Variants in CEP85L observed in about 807,000 individuals in gnomAD.
The protein encoded by CEP85L is centrosomal protein 85L, also known as centrosomal protein of 85 kDa-like.
Under a neutral mutation model 100.3 loss-of-function variants are expected in CEP85L, and 60 were observed. The observed-to-expected ratio is 0.60, with a 90% CI of 0.49 to 0.74. CEP85L has a LOEUF of 0.74. Among genes scored for constraint, CEP85L ranks in the 30% least tolerant of loss-of-function variants. The pLI is 0.00. For synonymous variants in CEP85L, 319 were observed against 322.7 expected, an observed-to-expected ratio of 0.99 and a Z score of 0.12; for missense variants, 973 against 936.2, an observed-to-expected ratio of 1.04 and a Z score of -0.51.
chr6:118,529,455 A>C (rs1777157286), intron 3 of CEP85L, among the ~76,000 whole-genome samples: 1 of 151,812 alleles, frequency 6.6e-6, no homozygotes, highest in Admixed American at 6.6e-5. Flanking sequence ...AAAATACAAA[A>C]AAATTAGCTG....
upstream of CEP85L, among the ~76,000 whole-genome samples, chr6:118,656,315 A>G (rs372514800): frequency 1.3e-5 from 2 of 152,244 alleles, no homozygotes; most frequent in Admixed American, 6.5e-5. Context: ...CAGTTAAATC[A>G]AGGCAAAGCT....
intron 1 of CEP85L, among the ~76,000 whole-genome samples, chr6:118,641,792 C>T (rs373945280): frequency 1.3e-5 from 2 of 150,906 alleles, no homozygotes; most frequent in East Asian, 1.9e-4. Context: ...AAGCTGATGC[C>T]TCCCATGCAC....
intron 1 of CEP85L, among the ~76,000 whole-genome samples, chr6:118,688,067 ACCATCTTGGAAGCGGCCCGTCG>A (rs1056083599): frequency 9.9e-5 from 15 of 152,126 alleles, no homozygotes; most frequent in African/African-American, 2.4e-4. Flanking sequence ...AAGGCTTGCC[ACCATCTTGGAAGCGGCCCGTCG>A]CCATCTTGGA....
At chr6:118,573,641 C>T (rs887896219) in intron 2 of CEP85L, among the ~76,000 whole-genome samples, 5 of 151,942 alleles carry the variant, frequency 3.3e-5, no homozygotes, top group Admixed American at 1.3e-4. Flanking sequence ...TTTTATAGTC[C>T]TCATATTTAC....
chr6:118,601,250 T>C (rs371624349), intron 2 of CEP85L, among the ~76,000 whole-genome samples: 1 of 152,302 alleles, frequency 6.6e-6, no homozygotes, highest in African/African-American at 2.4e-5. Context: ...CTATATAGGT[T>C]GTTAGTTATT....
intron 1 of CEP85L, among the ~76,000 whole-genome samples, chr6:118,680,111 C>A (rs1481309080): frequency 6.6e-6 from 1 of 151,480 alleles, no homozygotes; most frequent in African/African-American, 2.4e-5. Flanking sequence ...CACAGTGAGA[C>A]CCCCACCCCA....
At chr6:118,697,676 G>C (rs1261696884) in intron 1 of CEP85L, among the ~76,000 whole-genome samples, 2 of 152,188 alleles carry the variant, frequency 1.3e-5, no homozygotes, top group Non-Finnish European at 2.9e-5. Context: ...TGGCGGTGTG[G>C]CATGAGGATG....
At chr6:118,652,824 T>A, upstream of CEP85L, 1 of 1,073,178 alleles carries the variant, frequency 9.3e-7, no homozygotes, top group Non-Finnish European at 1.4e-6. Context: ...GATAAAAAGA[T>A]ACAGAAACAT....
At chr6:118,699,190 T>A (rs1277955328) in intron 1 of CEP85L, among the ~76,000 whole-genome samples, 1 of 152,154 alleles carries the variant, frequency 6.6e-6, no homozygotes, top group Non-Finnish European at 1.5e-5. Context: ...CAGTGGCTCA[T>A]GCCTATAATC....
chr6:118,484,693 T>G (rs1006812932), intron 6 of CEP85L, among the ~76,000 whole-genome samples: 2 of 152,190 alleles, frequency 1.3e-5, no homozygotes, highest in African/African-American at 4.8e-5. Flanking sequence ...GATTTCTTAG[T>G]TTTTGCATAA....
Position 118,566,053 on chromosome 6 carries a change from C to T in CEP85L, c.496G>A (p.Asp166Asn). ...ACAGTGCCACCCTGGCCACAGTTAT[C>T]CGGGGCAGTGAGTTTGGATAAAGAT... is the stretch of plus-strand genomic sequence containing the variant. ...WSSLSKLTAP[D>N]NCGQGGTVCR... Residue 166 changes from aspartate (D) to asparagine (N), a missense_variant, in exon 3 of 13, where the codon GAT becomes AAT. Around this residue, in one of 3 missense-constraint regions of CEP85L, gnomAD observed 890 missense variants for 844.5 expected, o/e 1.05. Transcript: ENST00000368491. The T allele has an allele frequency of 6.2e-7, 1 of 1,614,200 alleles. No homozygotes were observed.
At chr6:118,577,308 T>C (rs956647248) in intron 2 of CEP85L, among the ~76,000 whole-genome samples, 34 of 152,192 alleles carry the variant, frequency 2.2e-4, no homozygotes, top group Admixed American at 2.2e-3. Flanking sequence ...GCCAAGTAAC[T>C]GGAGCGGCAC....
At chr6:118,600,956 G>A (rs564544090) in intron 2 of CEP85L, among the ~76,000 whole-genome samples, 62 of 152,276 alleles carry the variant, frequency 4.1e-4, no homozygotes, top group African/African-American at 1.3e-3. Context: ...TGGATATACC[G>A]TGGAATAACC....
intron 2 of CEP85L, among the ~76,000 whole-genome samples, chr6:118,619,688 T>C (rs1187921156): frequency 6.6e-6 from 1 of 152,164 alleles, no homozygotes; most frequent in African/African-American, 2.4e-5. Flanking sequence ...CTCTCAGATT[T>C]AAAACAAATA....
chr6:118,597,175 C>T lies in CEP85L; in HGVS notation c.233-30859G>A, dbSNP rs545882911. Among the ~76,000 whole-genome samples, 172 of 152,324 alleles carry T rather than the reference C, an allele frequency of 1.1e-3. 1 individual carries two copies. The highest frequency in any genetic ancestry group is 3.4e-3 in the Middle Eastern group (1 of 294). On this transcript the variant is annotated intron_variant, in intron 2 of 12. Transcript: ENST00000368491. ...GTGGAACTCTGAGTCCATTTAACCT[C>T]TTTTCTTTATAAATTACCCAGTCCC...
In CEP85L at chr6:118,465,116, A is replaced by G; in HGVS notation, c.*289T>C. 3.4e-6 allele frequency: 1 copy of G among 290,036 alleles called. No homozygotes were observed. The highest frequency in any genetic ancestry group is 6.5e-6 in the Non-Finnish European group (1 of 154,858). 18.0% of individuals were successfully genotyped at this position (290,036 alleles called of 1,614,324 possible). A position where few individuals can be genotyped will look rare whatever the true frequency, so the allele number is the denominator to read the frequency against. ...AAAGGAATCCTACTCCTTCATGTGAAGGGTACTCTTCACAGCTTGGTCCTA... is the reference window on the plus strand; with the variant it reads ...AAAGGAATCCTACTCCTTCATGTGAGGGGTACTCTTCACAGCTTGGTCCTA... On this transcript the variant is annotated 3_prime_UTR_variant, in exon 13 of 13. Transcript: ENST00000368491.
chr6:118,675,468 T>C (rs1057429019), intron 1 of CEP85L, among the ~76,000 whole-genome samples: 1 of 152,168 alleles, frequency 6.6e-6, no homozygotes, highest in South Asian at 2.1e-4. Context: ...ACCGCTAGAC[T>C]GTGCACTTTA....
intron 2 of CEP85L, among the ~76,000 whole-genome samples, chr6:118,594,273 A>G (rs1258604536): frequency 1.3e-5 from 2 of 152,190 alleles, no homozygotes; most frequent in African/African-American, 4.8e-5. Flanking sequence ...AGTGTACCAA[A>G]TGATAACTTG....
intron 6 of CEP85L, among the ~76,000 whole-genome samples, chr6:118,485,807 G>A (rs897112485): frequency 3.3e-5 from 5 of 152,202 alleles, no homozygotes; most frequent in African/African-American, 4.8e-5. Flanking sequence ...AACCAAGCCT[G>A]CTCTTGCCTT....
Sources: gnomAD v4.1 joint callset for allele counts (sites outside exome capture counted in the v4.1 genomes callset) on GRCh38, gnomAD v4.1.1 for gene constraint, gnomAD v4.1.1 regional missense constraint, MANE v1.5 for transcripts, NCBI Gene and HGNC (gene_info 2026-07-23, HGNC 2026-07-21) for gene names.